The following ATP11A variants were observed in gnomAD, a reference collection of about 807,000 sequenced individuals.
ATP11A encodes ATPase phospholipid transporting 11A, also known as phospholipid-transporting ATPase IH.
In ATP11A, 81 loss-of-function variants were observed where a neutral mutation model predicts 154.4. The observed-to-expected ratio is 0.52, with a 90% confidence interval of 0.44 to 0.63. The LOEUF (loss-of-function observed/expected upper bound fraction) is 0.63. Among genes scored for constraint, ATP11A ranks in the 30% least tolerant of loss-of-function variants. The probability of loss-of-function intolerance (pLI) is 0.00; values close to 1 mark genes in which losing one functional copy is unlikely to be tolerated. For missense variants in ATP11A, 1,316 were observed against 1,474.3 expected, an observed-to-expected ratio of 0.89 and a Z score of 1.76; for synonymous variants, 623 against 585.9, an observed-to-expected ratio of 1.06 and a Z score of -0.91.
At chr13:112,835,346 C>T (rs1401509623) in intron 15 of ATP11A, among the ~76,000 whole-genome samples, 2 of 152,240 alleles carry the variant, frequency 1.3e-5, no homozygotes, top group South Asian at 4.1e-4. Context: ...GGCCTCAAAA[C>T]ACGTGGATTT....
At chr13:112,741,082 T>C (rs1330989584) in intron 1 of ATP11A, among the ~76,000 whole-genome samples, 1 of 152,244 alleles carries the variant, frequency 6.6e-6, no homozygotes, top group Non-Finnish European at 1.5e-5. Flanking sequence ...ATACTTTATA[T>C]TTCTAATGTA....
In ATP11A at chr13:112,881,618, ACCC is replaced by A. The variant is rs983075756; in HGVS notation, c.*10-256_*10-254del. 1.4e-5 allele frequency: 17 copies of A among 1,186,086 alleles called. No individual in the cohort carries two copies. The African/African-American group carries it at 1.6e-4, about 11-fold the overall frequency. 73.5% of individuals were successfully genotyped at this position (1,186,086 alleles called of 1,614,324 possible). On this transcript the variant is annotated intron_variant, in intron 29 of 29. Transcript: ENST00000375645. ...GAGAGGCCCTCATTCCTAGACAGAG[ACCC>A]CTCGCCTCCATATGGCTTCTCTGGT...
intron 19 of ATP11A, among the ~76,000 whole-genome samples, chr13:112,855,212 GT>G (rs2079887175): frequency 6.6e-6 from 1 of 152,070 alleles, no homozygotes; most frequent in Non-Finnish European, 1.5e-5. Context: ...GTTGTTTTTT[GT>G]TTTTTGTTTT....
chr13:112,814,561 C>A (rs2078589721), intron 5 of ATP11A, among the ~76,000 whole-genome samples: 1 of 152,058 alleles, frequency 6.6e-6, no homozygotes, highest in Admixed American at 6.5e-5. Context: ...TGTTTCTGTC[C>A]TTATTATTTT....
intron 9 of ATP11A, 93 bp from the exon 10 acceptor site, chr13:112,824,251 C>A: frequency 1.0e-6 from 1 of 973,620 alleles, no homozygotes; most frequent in Non-Finnish European, 1.7e-6. Context: ...TCGCTTTACC[C>A]AAGAATTGAT....
chr13:112,730,602 T>C (rs1890385035), intron 1 of ATP11A, among the ~76,000 whole-genome samples: 1 of 152,184 alleles, frequency 6.6e-6, no homozygotes, highest in African/African-American at 2.4e-5. Context: ...TGCGGGAGGA[T>C]GGGGCTCCCG....
At chr13:112,784,912 C>G (rs1013077960) in intron 1 of ATP11A, among the ~76,000 whole-genome samples, 5 of 152,224 alleles carry the variant, frequency 3.3e-5, no homozygotes, top group African/African-American at 1.2e-4. Context: ...AGCGCAGACC[C>G]TCCTGGTGCT....
intron 29 of ATP11A, chr13:112,881,649 G>A: frequency 8.3e-7 from 1 of 1,198,622 alleles, no homozygotes; most frequent in African/African-American, 1.6e-5. Flanking sequence ...TCTCTGGTGG[G>A]GTGGATCCCG....
chr13:112,731,937 C>CGGGGGG, intron 1 of ATP11A, among the ~76,000 whole-genome samples: 2 of 83,148 alleles, frequency 2.4e-5, no homozygotes, highest in Admixed American at 1.4e-4. Context: ...GAAATGGGGG[C>CGGGGGG]GGGGGGGGGC....
intron 1 of ATP11A, among the ~76,000 whole-genome samples, chr13:112,780,952 T>C (rs887030111): frequency 6.6e-6 from 1 of 152,146 alleles, no homozygotes; most frequent in Non-Finnish European, 1.5e-5. Context: ...GTCTCCATCC[T>C]CCTGCCCTGG....
At chr13:112,828,593 T>A (rs1481390174) in intron 12 of ATP11A, among the ~76,000 whole-genome samples, 1 of 151,934 alleles carries the variant, frequency 6.6e-6, no homozygotes, top group Non-Finnish European at 1.5e-5. Context: ...CCCAGCGGTG[T>A]TGAGTGCAAG....
chr13:112,852,786 G>C (rs938289791), intron 18 of ATP11A, among the ~76,000 whole-genome samples: 2 of 140,212 alleles, frequency 1.4e-5, no homozygotes, highest in African/African-American at 2.9e-5. Flanking sequence ...CCTGGTTGGC[G>C]GGGGGGGATC....
At chr13:112,720,113 T>A (rs1269032891) in intron 1 of ATP11A, among the ~76,000 whole-genome samples, 2 of 152,258 alleles carry the variant, frequency 1.3e-5, no homozygotes, top group African/African-American at 4.8e-5. Context: ...AGGTTTATTC[T>A]GAGCCTGTCT....
chr13:112,736,758 C>T (rs573942873), intron 1 of ATP11A, among the ~76,000 whole-genome samples: 62 of 152,294 alleles, frequency 4.1e-4, no homozygotes, highest in African/African-American at 1.3e-3. Flanking sequence ...AAATATATTA[C>T]TAAACTTACA....
At chr13:112,723,870 G>C (rs1043967010) in intron 1 of ATP11A, among the ~76,000 whole-genome samples, 1 of 152,120 alleles carries the variant, frequency 6.6e-6, no homozygotes, top group Non-Finnish European at 1.5e-5. Flanking sequence ...CCTCTGTCTC[G>C]CCCGAAACCC....
chr13:112,858,456 C>CAA (rs1346063055), intron 22 of ATP11A, 166 bp downstream of exon 22: 5 of 742,248 alleles, frequency 6.7e-6, no homozygotes, highest in Non-Finnish European at 1.0e-5. Context: ...TCTTGCTTAG[C>CAA]TGTGACTTTG....
At position 112,854,323 on chromosome 13, in the gene ATP11A, C is replaced by G. The variant is rs756018999; in HGVS notation, c.2036C>G (p.Ala679Gly). ...AADTIEALQK[A>G]GIKVWVLTGD... ...GACACCATCGAGGCCCTGCAGAAGG[C>G]CGGGATCAAAGTCTGGGTTCTCACG... Residue 679 changes from alanine to glycine, a missense_variant, in exon 19 of 30, where the codon GCC becomes GGC. This residue lies in a region of ATP11A where 876 missense variants were observed against 1,006.8 expected (regional missense o/e 0.87). Transcript: ENST00000375645. 1.9e-6 allele frequency: 3 copies of G among 1,614,010 alleles called. No homozygotes were observed. The African/African-American group carries it at 4.0e-5, about 22-fold the overall frequency.
At chr13:112,713,818 G>C (rs1433882107) in intron 1 of ATP11A, among the ~76,000 whole-genome samples, 1 of 151,978 alleles carries the variant, frequency 6.6e-6, no homozygotes, top group Non-Finnish European at 1.5e-5. Context: ...GATGCTGTCA[G>C]GACGCAGGCA....
chr13:112,836,090 C>T (rs530254432), intron 15 of ATP11A, 88 bp from the exon 16 acceptor site: 1 of 956,620 alleles, frequency 1.0e-6, no homozygotes, highest in Admixed American at 2.0e-5. Context: ...CTGCCCCAGC[C>T]ATTCTGCTGT....
Sources: gnomAD v4.1 joint callset for allele counts (sites outside exome capture counted in the v4.1 genomes callset) on GRCh38, gnomAD v4.1.1 for gene constraint, gnomAD v4.1.1 regional missense constraint, MANE v1.5 for transcripts, NCBI Gene and HGNC (gene_info 2026-07-23, HGNC 2026-07-21) for gene names.